The following DLG2 variants were observed in gnomAD, a reference collection of about 807,000 sequenced individuals.
DLG2 encodes the protein disks large homolog 2.
A neutral mutation model predicts 132.5 loss-of-function variants in DLG2; 45 were observed. That is an observed-to-expected ratio of 0.34 (90% CI 0.27 to 0.44). The LOEUF (loss-of-function observed/expected upper bound fraction) is 0.44, where lower values mean the gene tolerates loss of function less well. DLG2 is among the 20% of genes least tolerant of loss of function. The pLI, the probability that DLG2 is intolerant of heterozygous loss-of-function variation, is 1.00. For synonymous variants in DLG2, 424 were observed against 419.6 expected (o/e 1.01, Z -0.13); for missense variants, 1,045 against 1,196.9 (o/e 0.87, Z 1.87).
At chr11:83,934,471 C>T (rs898363336) in intron 14 of DLG2, among the ~76,000 whole-genome samples, 1 of 152,028 alleles carries the variant, frequency 6.6e-6, no homozygotes, top group Non-Finnish European at 1.5e-5. Context: ...TTGCACCCAA[C>T]ATGAGTACCT....
intron 6 of DLG2, among the ~76,000 whole-genome samples, chr11:84,622,069 G>A (rs1482571009): frequency 6.6e-6 from 1 of 152,116 alleles, no homozygotes; most frequent in African/African-American, 2.4e-5. Flanking sequence ...ACATCAAAGG[G>A]GGCATTGTTT....
At chr11:84,733,042 G>T (rs2063354857) in intron 6 of DLG2, among the ~76,000 whole-genome samples, 1 of 152,042 alleles carries the variant, frequency 6.6e-6, no homozygotes. Context: ...ATCTATCATT[G>T]TTGGACATTT....
chr11:85,236,964 CAT>C (rs959977248), intron 4 of DLG2, among the ~76,000 whole-genome samples: 4 of 152,044 alleles, frequency 2.6e-5, no homozygotes, highest in Admixed American at 6.6e-5. Flanking sequence ...AGCAGAAACT[CAT>C]GTTTTAACAA....
At chr11:83,895,529 T>A (rs1269591733) in intron 15 of DLG2, among the ~76,000 whole-genome samples, 1 of 152,178 alleles carries the variant, frequency 6.6e-6, no homozygotes, top group East Asian at 1.9e-4. Flanking sequence ...CTACAGCCAT[T>A]TCCAAACATC....
intron 7 of DLG2, among the ~76,000 whole-genome samples, chr11:84,303,756 A>G (rs2098183878): frequency 6.6e-6 from 1 of 152,198 alleles, no homozygotes; most frequent in Non-Finnish European, 1.5e-5. Context: ...ACAAATAAAC[A>G]AAGGAAACAA....
chr11:85,063,244 C>T (rs1302168187), intron 6 of DLG2, among the ~76,000 whole-genome samples: 2 of 151,814 alleles, frequency 1.3e-5, no homozygotes, highest in African/African-American at 2.4e-5. Context: ...ATAGGATCAG[C>T]TGAGGCCTCT....
At chr11:85,148,467 T>A (rs1293518515) in intron 5 of DLG2, among the ~76,000 whole-genome samples, 1 of 152,228 alleles carries the variant, frequency 6.6e-6, no homozygotes, top group African/African-American at 2.4e-5. Flanking sequence ...AGATGGTACC[T>A]CATTGTGGTT....
At chr11:84,839,708 T>C (rs1261907345) in intron 6 of DLG2, among the ~76,000 whole-genome samples, 1 of 152,030 alleles carries the variant, frequency 6.6e-6, no homozygotes, top group Non-Finnish European at 1.5e-5. Context: ...CATCTGATCT[T>C]TGACAAACCT....
intron 6 of DLG2, among the ~76,000 whole-genome samples, chr11:85,091,549 A>G (rs1235423993): frequency 6.6e-6 from 1 of 152,240 alleles, no homozygotes; most frequent in Admixed American, 6.5e-5. Context: ...TACCCATAGT[A>G]AAACTTCTTT....
At position 84,076,796 on chromosome 11, in the gene DLG2, A is replaced by C. The variant is rs1401428609; in HGVS notation, c.750-17312T>G. On this transcript the variant is annotated intron_variant, in intron 10 of 27. Transcript: ENST00000376104. ...GCTGTCCCTCTTTCTAAAAAGATAA[A>C]CTCCAATGTTCTCCTTTCCTGCATC... 2.6e-5 allele frequency among the ~76,000 whole-genome samples: 4 copies of C among 152,092 alleles called. No homozygotes were observed. The East Asian group carries it at 7.7e-4, about 29-fold the overall frequency.
intron 21 of DLG2, among the ~76,000 whole-genome samples, chr11:83,520,680 C>T (rs72946642): frequency 0.34 from 29,954 of 88,520 alleles, 3,212 homozygotes; most frequent in Middle Eastern, 0.39. Flanking sequence ...GAAAGACAGA[C>T]AGGTAAGTAG....
intron 13 of DLG2, 100 bp from the exon 14 acceptor site, chr11:83,963,123 G>T: frequency 1.5e-6 from 2 of 1,341,588 alleles, no homozygotes; most frequent in African/African-American, 1.5e-5. Context: ...GAAAGGCTTT[G>T]CTGCATGCCA....
intron 6 of DLG2, among the ~76,000 whole-genome samples, chr11:84,911,550 A>G (rs993990309): frequency 2.0e-5 from 3 of 152,228 alleles, no homozygotes; most frequent in Admixed American, 6.5e-5. Context: ...ACATGCTCCA[A>G]TACAACTTAC....
intron 6 of DLG2, among the ~76,000 whole-genome samples, chr11:85,094,414 T>C (rs1181345057): frequency 6.6e-6 from 1 of 152,242 alleles, no homozygotes; most frequent in Non-Finnish European, 1.5e-5. Flanking sequence ...AGCACCTTCT[T>C]TCATTAGAAG....
chr11:84,813,141 T>G (rs1013372620), intron 6 of DLG2, among the ~76,000 whole-genome samples: 8 of 152,118 alleles, frequency 5.3e-5, no homozygotes, highest in Admixed American at 5.2e-4. Flanking sequence ...CATTCATTTA[T>G]TGTAGGTTTA....
At chr11:84,346,321 G>A (rs903360807) in intron 7 of DLG2, among the ~76,000 whole-genome samples, 3 of 152,088 alleles carry the variant, frequency 2.0e-5, no homozygotes, top group Admixed American at 6.5e-5. Flanking sequence ...GCCTATAAGC[G>A]CCTCCAAACT....
chr11:83,810,740 TG>T (rs372668112), intron 17 of DLG2, among the ~76,000 whole-genome samples: 17 of 152,258 alleles, frequency 1.1e-4, no homozygotes, highest in African/African-American at 4.1e-4. Flanking sequence ...GTCATTCTTT[TG>T]TTTACTCATT....
At chr11:85,309,108 A>G (rs906728019) in intron 3 of DLG2, among the ~76,000 whole-genome samples, 3 of 152,142 alleles carry the variant, frequency 2.0e-5, no homozygotes, top group African/African-American at 4.8e-5. Context: ...TACCACCAAC[A>G]TAAAAAGGAC....
intron 4 of DLG2, among the ~76,000 whole-genome samples, chr11:85,191,740 G>C (rs776300521): frequency 2.6e-5 from 4 of 152,076 alleles, no homozygotes; most frequent in Non-Finnish European, 4.4e-5. Context: ...TCCATCCACA[G>C]ATATGGCAGA....
Sources: gnomAD v4.1 joint callset for allele counts (sites outside exome capture counted in the v4.1 genomes callset) on GRCh38, gnomAD v4.1.1 for gene constraint, MANE v1.5 for transcripts, NCBI Gene and HGNC (gene_info 2026-07-23, HGNC 2026-07-21) for gene names.